FAP: variants seen among roughly 807,000 people sequenced by gnomAD.
FAP encodes prolyl endopeptidase FAP.
FAP carries 110 observed loss-of-function variants against 126.5 expected under a neutral mutation model. The observed-to-expected ratio is 0.87, with a 90% CI of 0.74 to 1.02. FAP has a LOEUF of 1.02. FAP is among the 50% of genes least tolerant of loss of function. The pLI is 0.00. For synonymous variants in FAP, 334 were observed against 297.3 expected (o/e 1.12, Z -1.27); for missense variants, 919 against 909.2 (o/e 1.01, Z -0.14).
chr2:162,197,434 C>A, intron 16 of FAP: 1 of 398,296 alleles, frequency 2.5e-6, no homozygotes, highest in Non-Finnish European at 5.1e-6. Flanking sequence ...TTGCATATAA[C>A]TTGAGAGGGA....
intron 17 of FAP, among the ~76,000 whole-genome samples, chr2:162,192,298 T>C (rs2106231406): frequency 6.6e-6 from 1 of 152,220 alleles, no homozygotes; most frequent in Middle Eastern, 3.4e-3. Flanking sequence ...TCCCTCTTGC[T>C]AAGTCCATTA....
chr2:162,209,141 T>C (rs1282467832), intron 12 of FAP, among the ~76,000 whole-genome samples: 1 of 152,096 alleles, frequency 6.6e-6, no homozygotes, highest in East Asian at 1.9e-4. Flanking sequence ...TTTTTTGTCC[T>C]TGGATCATGG....
In FAP at chr2:162,173,241, T is replaced by G. The variant is rs1474192059; in HGVS notation, c.2035-20A>C. 5 of 1,598,216 alleles carry G rather than the reference T, an allele frequency of 3.1e-6. No individual in the cohort carries two copies. Among genetic ancestry groups the G allele is most frequent in the Non-Finnish European group, 3.4e-6 (4 of 1,165,838 alleles). The stretch of plus-strand genomic sequence containing the variant: ...TGAATTCTGGAAAAGAGAAAAAAAT[T>G]AACATTTTAGTTGCTGCAAGTTCTA... On this transcript the variant is annotated intron_variant, in intron 23 of 25. Transcript: ENST00000188790.
At chr2:162,191,198 C>T (rs567982211) in intron 17 of FAP, among the ~76,000 whole-genome samples, 149 of 152,258 alleles carry the variant, frequency 9.8e-4, no homozygotes, top group African/African-American at 3.5e-3. Context: ...AAGTGGGAGA[C>T]AGTATCCGGG....
intron 12 of FAP, among the ~76,000 whole-genome samples, chr2:162,208,238 G>A (rs940015649): frequency 1.3e-4 from 19 of 150,512 alleles, no homozygotes; most frequent in African/African-American, 4.6e-4. Flanking sequence ...CCTGGCAACA[G>A]AGTGAGATTC....
Position 162,219,941 on chromosome 2 carries a change from G to T in FAP, c.414-16C>A. 6.3e-7 allele frequency: 1 copy of T among 1,584,566 alleles called. No individual in the cohort carries two copies. Among genetic ancestry groups the T allele is most frequent in the Non-Finnish European group, 8.6e-7 (1 of 1,156,364 alleles). ...TACAAATTCTCTAGAAGGAAAGAAAGAAAGAAAAACAACAAACCTTGCTGT... is the reference window on the plus strand; with the variant it reads ...TACAAATTCTCTAGAAGGAAAGAAATAAAGAAAAACAACAAACCTTGCTGT... On this transcript the variant is annotated splice_polypyrimidine_tract_variant and intron_variant, in intron 6 of 25. Coordinates refer to ENST00000188790, the MANE Select transcript of FAP (RefSeq NM_004460.5).
intron 11 of FAP, among the ~76,000 whole-genome samples, chr2:162,212,282 A>G (rs1369225243): frequency 1.3e-5 from 2 of 152,322 alleles, no homozygotes; most frequent in Non-Finnish European, 1.5e-5. Context: ...TTATGTTCAA[A>G]CTAATAAAAT....
chr2:162,208,379 A>G (rs1050026142), intron 12 of FAP, among the ~76,000 whole-genome samples: 1 of 152,230 alleles, frequency 6.6e-6, no homozygotes, highest in African/African-American at 2.4e-5. Flanking sequence ...AGATGCTTAT[A>G]AATATGAGCT....
At chr2:162,219,460 G>A (rs531136166) in intron 7 of FAP, among the ~76,000 whole-genome samples, 5 of 152,126 alleles carry the variant, frequency 3.3e-5, no homozygotes, top group East Asian at 1.9e-4. Flanking sequence ...ACAGAAAGTC[G>A]AATAAATCTC....
intron 16 of FAP, chr2:162,198,345 T>C (rs1337752178): frequency 7.8e-7 from 1 of 1,283,288 alleles, no homozygotes; most frequent in Non-Finnish European, 1.0e-6. Flanking sequence ...GGGCCAAAAG[T>C]CCAGCAACCA....
chr2:162,216,953 C>T (rs1011044216), intron 9 of FAP, among the ~76,000 whole-genome samples: 8 of 152,170 alleles, frequency 5.3e-5, no homozygotes, highest in Non-Finnish European at 1.0e-4. Context: ...GTTCTGGGTT[C>T]CCCGTCTCTT....
At chr2:162,236,012 A>T (rs1690114629) in intron 2 of FAP, among the ~76,000 whole-genome samples, 1 of 152,132 alleles carries the variant, frequency 6.6e-6, no homozygotes, top group Admixed American at 6.5e-5. Context: ...AAGTGTTTTT[A>T]TCATGAAAGG....
chr2:162,233,833 T>C (rs1689995902), intron 2 of FAP, among the ~76,000 whole-genome samples: 1 of 152,214 alleles, frequency 6.6e-6, no homozygotes, highest in African/African-American at 2.4e-5. Context: ...TTAAGAGTTT[T>C]ATAGTTTTTA....
At chr2:162,191,549 A>G (rs991259930) in intron 17 of FAP, among the ~76,000 whole-genome samples, 7 of 152,120 alleles carry the variant, frequency 4.6e-5, no homozygotes, top group African/African-American at 1.7e-4. Flanking sequence ...CACAGCACCT[A>G]GTATCTGGCA....
intron 2 of FAP, among the ~76,000 whole-genome samples, chr2:162,230,595 T>A (rs1003297230): frequency 2.6e-5 from 4 of 152,060 alleles, no homozygotes; most frequent in Non-Finnish European, 1.5e-5. Flanking sequence ...CGAGAATATA[T>A]CTTCCCTTAC....
chr2:162,237,626 A>G (rs1197861311), intron 2 of FAP, among the ~76,000 whole-genome samples: 1 of 152,182 alleles, frequency 6.6e-6, no homozygotes, highest in South Asian at 2.1e-4. Context: ...GTTGGTTCCA[A>G]GTTTTTGCTA....
intron 16 of FAP, chr2:162,197,607 A>C: frequency 2.2e-6 from 1 of 456,686 alleles, no homozygotes; most frequent in South Asian, 1.5e-5. Context: ...TTGGGTTAAA[A>C]TGCTTATTCA....
At chr2:162,221,090 AG>A (rs1689369578) in intron 6 of FAP, among the ~76,000 whole-genome samples, 1 of 152,172 alleles carries the variant, frequency 6.6e-6, no homozygotes, top group Admixed American at 6.5e-5. Flanking sequence ...GCAAGTAGCA[AG>A]GGAACATGGC....
At chr2:162,172,114 G>A (rs1013634168) in intron 25 of FAP, 2 of 151,926 alleles carry the variant, frequency 1.3e-5, no homozygotes, top group African/African-American at 4.8e-5. Context: ...TGAAAAGATG[G>A]GGGTCTCCTT....
Sources: gnomAD v4.1 joint callset for allele counts (sites outside exome capture counted in the v4.1 genomes callset) on GRCh38, gnomAD v4.1.1 for gene constraint, MANE v1.5 for transcripts, NCBI Gene and HGNC (gene_info 2026-07-23, HGNC 2026-07-21) for gene names.